Variants in ATP2A2 observed in about 807,000 individuals in gnomAD.
The protein encoded by ATP2A2 is sarcoplasmic/endoplasmic reticulum calcium ATPase 2.
In ATP2A2, 14 loss-of-function variants were observed where a neutral mutation model predicts 109.3. The observed-to-expected ratio is 0.13, with a 90% CI of 0.08 to 0.20. The LOEUF (loss-of-function observed/expected upper bound fraction) is 0.20. Ranked by LOEUF, ATP2A2 falls within the 10% of genes least tolerant of loss-of-function variation. ATP2A2 has a pLI of 1.00. For synonymous variants in ATP2A2, 506 were observed against 490.9 expected (o/e 1.03, Z -0.41); for missense variants, 657 against 1,321.6 (o/e 0.50, Z 7.80).
chr12:110,313,584 G>A (rs1167042058), intron 5 of ATP2A2, among the ~76,000 whole-genome samples: 1 of 150,946 alleles, frequency 6.6e-6, no homozygotes, highest in Non-Finnish European at 1.5e-5. Context: ...CAAAGTGCTG[G>A]GATTACAGGT....
At chr12:110,302,655 A>C (rs1486813277) in intron 5 of ATP2A2, among the ~76,000 whole-genome samples, 1 of 151,918 alleles carries the variant, frequency 6.6e-6, no homozygotes, top group Non-Finnish European at 1.5e-5. Flanking sequence ...GCTGGAATGC[A>C]GTAGCGTGAT....
Position 110,292,118 on chromosome 12 carries a change from A to C in ATP2A2, c.318A>C (p.Val106=). The part of the protein sequence containing the change: ...LILVANAIVG[V]WQERNAENAI... ...TAGTAGCCAATGCAATTGTGGGTGT[A>C]TGGCAGGTAAGCAAAAATTCCTGTA... The change falls in exon 4 of 20, where the codon GTA becomes GTC. Residue 106 remains valine, a synonymous_variant. Transcript: ENST00000539276. The C allele has an allele frequency of 6.2e-7, 1 of 1,613,570 alleles. No individual in the cohort carries two copies. Among genetic ancestry groups the C allele is most frequent in the Non-Finnish European group, 8.5e-7 (1 of 1,179,484 alleles).
In ATP2A2 at chr12:110,350,297, C is replaced by G; in HGVS notation, c.*3827C>G. The stretch of plus-strand genomic sequence containing the variant: ...CCTCTCTCTTTCCTTTTCAGCAATA[C>G]TGGAGTAACCGCTTCCTAAACCATT... On this transcript the variant is annotated 3_prime_UTR_variant, in exon 20 of 20. Transcript: ENST00000539276. 6.2e-7 allele frequency: 1 copy of G among 1,614,170 alleles called. No homozygotes were observed. Among genetic ancestry groups the G allele is most frequent in the African/African-American group, 1.3e-5 (1 of 75,032 alleles).
chr12:110,343,568 T>TA (rs1879563076), intron 16 of ATP2A2, 134 bp downstream of exon 16: 7 of 1,014,298 alleles, frequency 6.9e-6, no homozygotes, highest in Non-Finnish European at 1.0e-5. Flanking sequence ...GATGCCCTCT[T>TA]ACAGTTCGAT....
At chr12:110,294,502 A>T (rs1398636395) in intron 4 of ATP2A2, among the ~76,000 whole-genome samples, 1 of 152,100 alleles carries the variant, frequency 6.6e-6, no homozygotes, top group African/African-American at 2.4e-5. Flanking sequence ...GCTACTAAAA[A>T]TACAGAAAGT....
chr12:110,326,604 TAGGTGTC>T, intron 7 of ATP2A2, 129 bp downstream of exon 7: 1 of 977,396 alleles, frequency 1.0e-6, no homozygotes, highest in Admixed American at 2.0e-5. Flanking sequence ...TGGTCAGTCT[TAGGTGTC>T]AGAATATGGC....
intron 11 of ATP2A2, among the ~76,000 whole-genome samples, chr12:110,338,400 A>C (rs547522721): frequency 6.6e-6 from 1 of 152,194 alleles, no homozygotes; most frequent in Admixed American, 6.5e-5. Flanking sequence ...TTCACCTCCA[A>C]CGTTCCCTAG....
At chr12:110,301,766 C>G (rs761558149) in intron 5 of ATP2A2, among the ~76,000 whole-genome samples, 1 of 152,346 alleles carries the variant, frequency 6.6e-6, no homozygotes, top group African/African-American at 2.4e-5. Flanking sequence ...GATAAACTTG[C>G]ATTGTGTGTA....
chr12:110,318,113 G>T (rs369909108), intron 5 of ATP2A2, among the ~76,000 whole-genome samples: 2 of 152,130 alleles, frequency 1.3e-5, no homozygotes, highest in African/African-American at 2.4e-5. Context: ...TGTGATCATC[G>T]GAACAGCCTA....
intron 5 of ATP2A2, among the ~76,000 whole-genome samples, chr12:110,308,112 T>C (rs1875579496): frequency 6.6e-6 from 1 of 152,226 alleles, no homozygotes; most frequent in African/African-American, 2.4e-5. Context: ...CTGAACTCAT[T>C]AGTTAGTTTT....
At chr12:110,318,071 T>C (rs1290027953) in intron 5 of ATP2A2, among the ~76,000 whole-genome samples, 17 of 152,208 alleles carry the variant, frequency 1.1e-4, no homozygotes, top group Admixed American at 2.0e-4. Flanking sequence ...CCTAAGAGCA[T>C]TGACATGCCT....
At chr12:110,300,643 C>CTT (rs537191134) in intron 5 of ATP2A2, among the ~76,000 whole-genome samples, 1,668 of 131,208 alleles carry the variant, frequency 0.013, 38 homozygotes, top group African/African-American at 0.041. Flanking sequence ...CATGCCCGGC[C>CTT]TTTTTTTTTT....
chr12:110,307,612 A>AT (rs1269885603), intron 5 of ATP2A2, among the ~76,000 whole-genome samples: 1 of 151,880 alleles, frequency 6.6e-6, no homozygotes, highest in African/African-American at 2.4e-5. Flanking sequence ...GATGTTGAGC[A>AT]TTTTTTCCTA....
chr12:110,286,497 TAA>T (rs1460767559), intron 3 of ATP2A2, among the ~76,000 whole-genome samples: 1 of 152,236 alleles, frequency 6.6e-6, no homozygotes, highest in Non-Finnish European at 1.5e-5. Context: ...GAGTACTTTT[TAA>T]AAAGATTGTT....
intron 5 of ATP2A2, among the ~76,000 whole-genome samples, chr12:110,307,062 AT>A (rs1285761619): frequency 6.6e-6 from 1 of 151,770 alleles, no homozygotes; most frequent in African/African-American, 2.4e-5. Flanking sequence ...CCCGGCCACA[AT>A]TTCTTTTTCT....
At chr12:110,333,005 T>C (rs931475784) in intron 9 of ATP2A2, among the ~76,000 whole-genome samples, 176 bp from the exon 10 acceptor site, 2 of 152,192 alleles carry the variant, frequency 1.3e-5, no homozygotes, top group African/African-American at 4.8e-5. Context: ...AGAGATGCAT[T>C]CTCTCTTTTG....
intron 5 of ATP2A2, among the ~76,000 whole-genome samples, chr12:110,310,945 A>G (rs1875963050): frequency 6.6e-6 from 1 of 152,232 alleles, no homozygotes; most frequent in Non-Finnish European, 1.5e-5. Context: ...GTGGATTCAT[A>G]TAAGAACCTG....
At chr12:110,325,491 G>C (rs1877696211) in intron 6 of ATP2A2, among the ~76,000 whole-genome samples, 1 of 152,032 alleles carries the variant, frequency 6.6e-6, no homozygotes, top group Admixed American at 6.5e-5. Flanking sequence ...AAAATTAGCT[G>C]GGCATGGTGG....
chr12:110,324,066 G>A (rs757563162), intron 6 of ATP2A2, among the ~76,000 whole-genome samples: 12 of 152,180 alleles, frequency 7.9e-5, no homozygotes, highest in African/African-American at 1.4e-4. Context: ...CCGTTTTTGT[G>A]TGATAAAAGC....
Sources: gnomAD v4.1 joint callset for allele counts (sites outside exome capture counted in the v4.1 genomes callset) on GRCh38, gnomAD v4.1.1 for gene constraint, MANE v1.5 for transcripts, NCBI Gene and HGNC (gene_info 2026-07-23, HGNC 2026-07-21) for gene names.